The following NAV2 variants were observed in gnomAD, a reference collection of about 807,000 sequenced individuals.
NAV2 encodes the protein helicase, APC down-regulated 1.
NAV2 carries 54 observed loss-of-function variants against 223.2 expected under a neutral mutation model. The ratio of observed to expected loss-of-function variants is 0.24; its 90% CI spans 0.19 to 0.30. NAV2 has a LOEUF of 0.30. Among genes scored for constraint, NAV2 ranks in the 10% least tolerant of loss-of-function variants. NAV2 has a pLI of 1.00. For missense variants in NAV2, 2,806 were observed against 3,147.5 expected (o/e 0.89, Z 2.60); for synonymous variants, 1,279 against 1,239.3 (o/e 1.03, Z -0.67).
intron 6 of NAV2, among the ~76,000 whole-genome samples, chr11:19,926,349 C>T (rs1029419994): frequency 1.3e-5 from 2 of 152,154 alleles, no homozygotes; most frequent in African/African-American, 4.8e-5. Flanking sequence ...TGTTTGTCCT[C>T]GTGCCCCGCT....
intron 32 of NAV2, 84 bp downstream of exon 32, chr11:20,101,256 A>G (rs1056272794): frequency 9.2e-6 from 10 of 1,083,230 alleles, no homozygotes; most frequent in African/African-American, 7.8e-5. Context: ...GGAAAGCAGC[A>G]TTTCCTATCA....
intron 1 of NAV2, among the ~76,000 whole-genome samples, chr11:19,600,467 C>T (rs55850848): frequency 0.023 from 3,525 of 152,286 alleles, 134 homozygotes; most frequent in African/African-American, 0.078. Flanking sequence ...TTACCTATAA[C>T]CTCTAGCCAG....
chr11:19,456,018 C>G (rs1293313809), intron 1 of NAV2, among the ~76,000 whole-genome samples: 4 of 152,132 alleles, frequency 2.6e-5, no homozygotes, highest in African/African-American at 9.7e-5. Flanking sequence ...GGGAAGGAGG[C>G]CAAGCCAGGC....
At chr11:19,368,215 C>G (rs1477394524) in intron 1 of NAV2, among the ~76,000 whole-genome samples, 1 of 152,178 alleles carries the variant, frequency 6.6e-6, no homozygotes, top group Non-Finnish European at 1.5e-5. Flanking sequence ...AGGTTCAGAG[C>G]CACAACTGCT....
intron 1 of NAV2, among the ~76,000 whole-genome samples, chr11:19,483,645 T>C (rs967811435): frequency 6.6e-6 from 1 of 152,314 alleles, no homozygotes; most frequent in East Asian, 1.9e-4. Context: ...TCCCACCTTA[T>C]ACTGTAAAAG....
Position 20,097,613 on chromosome 11 carries a change from G to C in NAV2, c.6049G>C (p.Gly2017Arg). 6.2e-7 allele frequency: 1 copy of C among 1,611,608 alleles called. No individual in the cohort carries two copies. Among genetic ancestry groups the C allele is most frequent in the African/African-American group, 1.3e-5 (1 of 74,900 alleles). ...IIHVDPVSQL[G>R]LNSDSVLGYS... ...TCATGTCGACCCAGTGAGTCAGCTA[G>C]GGCTGAATTCAGACAGCGTTCTTGG... The change falls in exon 31 of 38, where the codon GGG becomes CGG. Residue 2017 changes from glycine (G) to arginine (R), a missense_variant. By Grantham distance (125) the Gly-to-Arg change is moderately radical. Around this residue, in one of 4 missense-constraint regions of NAV2, gnomAD observed 824 missense variants for 1,069.4 expected, o/e 0.77. Coordinates refer to ENST00000349880, the MANE Select transcript of NAV2 (RefSeq NM_145117.5).
chr11:19,350,416 G>A (rs1853244371), upstream of NAV2, among the ~76,000 whole-genome samples: 2 of 152,222 alleles, frequency 1.3e-5, no homozygotes, highest in African/African-American at 4.8e-5. Flanking sequence ...CCCAGGAGGG[G>A]AGCCACCGCT....
chr11:19,516,822 C>T (rs2043468818), intron 1 of NAV2, among the ~76,000 whole-genome samples: 2 of 152,150 alleles, frequency 1.3e-5, no homozygotes, highest in Admixed American at 6.5e-5. Context: ...ATACAACATA[C>T]CCAAGTATTC....
intron 1 of NAV2, among the ~76,000 whole-genome samples, chr11:19,385,871 C>T (rs908875941): frequency 6.6e-6 from 1 of 151,082 alleles, no homozygotes; most frequent in African/African-American, 2.4e-5. Context: ...ACGCCAGTCT[C>T]CTGCCTCAGC....
At chr11:19,687,208 C>T (rs1398103508) in intron 1 of NAV2, among the ~76,000 whole-genome samples, 1 of 152,160 alleles carries the variant, frequency 6.6e-6, no homozygotes, top group African/African-American at 2.4e-5. Context: ...GGCTGTCAGC[C>T]CAGCATCTCC....
At chr11:19,505,073 C>T (rs1174944390) in intron 1 of NAV2, 3 of 152,256 alleles carry the variant, frequency 2.0e-5, no homozygotes, top group African/African-American at 7.2e-5. Context: ...GGGGAATACA[C>T]TGTGCTAGCT....
chr11:19,943,341 T>A (rs951029305), intron 8 of NAV2, among the ~76,000 whole-genome samples: 3 of 152,164 alleles, frequency 2.0e-5, no homozygotes, highest in African/African-American at 7.2e-5. Flanking sequence ...AAAAAACACA[T>A]ACATATATAT....
In NAV2 at chr11:20,051,472, C is replaced by T. The variant is rs542415272; in HGVS notation, c.4481+139C>T. ...CACCACAGCAGGACCTTTTGGATGA[C>T]GGCTCCCCTTGCACCCTCTCGTTCT... is the stretch of plus-strand genomic sequence containing the variant. On this transcript the variant is annotated intron_variant, in intron 17 of 37. Transcript: ENST00000349880. The T allele has an allele frequency of 2.4e-4, 185 of 769,122 alleles. 1 individual carries two copies. In the East Asian group the frequency reaches 3.3e-3, roughly 14 times the overall value. The allele number at this position is 769,122 out of a possible 1,614,324, so 47.6% of individuals were successfully genotyped here.
At chr11:20,012,359 C>G (rs937137540) in intron 11 of NAV2, among the ~76,000 whole-genome samples, 3 of 152,140 alleles carry the variant, frequency 2.0e-5, no homozygotes, top group African/African-American at 7.2e-5. Context: ...AACCTAATAC[C>G]ATGATGGTGC....
At chr11:19,626,605 A>C (rs1053815874) in intron 1 of NAV2, among the ~76,000 whole-genome samples, 8 of 152,190 alleles carry the variant, frequency 5.3e-5, no homozygotes, top group African/African-American at 1.9e-4. Flanking sequence ...TTGAATCTGT[A>C]GACTGCTTTG....
chr11:19,442,670 G>A (rs1263166717), intron 1 of NAV2, among the ~76,000 whole-genome samples: 1 of 152,212 alleles, frequency 6.6e-6, no homozygotes, highest in South Asian at 2.1e-4. Flanking sequence ...TGGCATCATA[G>A]CAAGGGCCCA....
intron 6 of NAV2, among the ~76,000 whole-genome samples, chr11:19,929,943 A>G (rs2045165852): frequency 6.6e-6 from 1 of 152,296 alleles, no homozygotes; most frequent in African/African-American, 2.4e-5. Context: ...TTCAGAGGGA[A>G]TTAGTAGAGT....
chr11:19,499,361 C>T (rs1461392999), intron 1 of NAV2, among the ~76,000 whole-genome samples: 1 of 152,196 alleles, frequency 6.6e-6, no homozygotes, highest in East Asian at 1.9e-4. Context: ...CATCTCTTAA[C>T]CATGCTGACC....
chr11:19,416,046 G>A (rs1219282332), intron 1 of NAV2, among the ~76,000 whole-genome samples: 1 of 152,182 alleles, frequency 6.6e-6, no homozygotes, highest in African/African-American at 2.4e-5. Flanking sequence ...AGACAAGTAT[G>A]CCCTCTCTCA....
Sources: gnomAD v4.1 joint callset for allele counts (sites outside exome capture counted in the v4.1 genomes callset) on GRCh38, gnomAD v4.1.1 for gene constraint, gnomAD v4.1.1 regional missense constraint, MANE v1.5 for transcripts, NCBI Gene and HGNC (gene_info 2026-07-23, HGNC 2026-07-21) for gene names.